The following PSMD2 variants were observed in gnomAD, a reference collection of about 807,000 sequenced individuals.
PSMD2 encodes the protein 26S proteasome non-ATPase regulatory subunit 2.
In PSMD2, 8 loss-of-function variants were observed where a neutral mutation model predicts 101.5. That is an observed-to-expected ratio of 0.08 (90% CI 0.05 to 0.14). PSMD2 has a LOEUF of 0.14. Ranked by LOEUF, PSMD2 falls within the 10% of genes least tolerant of loss-of-function variation. PSMD2 has a pLI of 1.00. For synonymous variants in PSMD2, 418 were observed against 433.8 expected (o/e 0.96, Z 0.45); for missense variants, 784 against 1,147.4 (o/e 0.68, Z 4.58).
intron 9 of PSMD2, 68 bp from the exon 10 acceptor site, chr3:184,303,575 G>A: frequency 6.2e-7 from 1 of 1,609,088 alleles, no homozygotes. Context: ...TCTTTGGAGA[G>A]CTCTTTATAA....
intron 10 of PSMD2, 91 bp downstream of exon 10, chr3:184,303,840 A>G (rs9883929): frequency 5.6e-6 from 9 of 1,601,596 alleles, no homozygotes; most frequent in East Asian, 2.2e-5. Flanking sequence ...AGGTCTGCCC[A>G]GTTTTTAACT....
At chr3:184,307,772 C>T (rs959922040) in intron 18 of PSMD2, 64 bp downstream of exon 18, 49 of 1,603,980 alleles carry the variant, frequency 3.1e-5, no homozygotes, top group Non-Finnish European at 4.2e-5. Flanking sequence ...GAAGGAGGAA[C>T]ATGGAGTGTT....
intron 12 of PSMD2, among the ~76,000 whole-genome samples, 186 bp from the exon 13 acceptor site, chr3:184,305,582 G>A (rs1292697236): frequency 6.6e-6 from 1 of 151,792 alleles, no homozygotes; most frequent in African/African-American, 2.4e-5. Flanking sequence ...ATGTAAAACA[G>A]TTGGCCTAGT....
At chr3:184,303,223 G>A in intron 8 of PSMD2, 97 bp from the exon 9 acceptor site, 1 of 1,522,370 alleles carries the variant, frequency 6.6e-7, no homozygotes, top group Non-Finnish European at 9.0e-7. Context: ...GATACTAAGG[G>A]ACTAGCTCAG....
intron 14 of PSMD2, 37 bp downstream of exon 14, chr3:184,306,192 G>C: frequency 6.2e-7 from 1 of 1,608,186 alleles, no homozygotes; most frequent in Non-Finnish European, 8.5e-7. Flanking sequence ...TGCTTCCCCA[G>C]TGACTCCTCA....
At position 184,299,888 on chromosome 3, in the gene PSMD2, T is replaced by A; in HGVS notation, c.173T>A (p.Met58Lys). The A allele has an allele frequency of 6.2e-7, 1 of 1,613,992 alleles. No homozygotes were observed. The highest frequency in any genetic ancestry group is 8.5e-7 in the Non-Finnish European group (1 of 1,179,830). Residue 58 changes from methionine (M) to lysine (K), a missense_variant, in exon 2 of 21, where the codon ATG becomes AAG. Physicochemically the swap from Met to Lys is moderately conservative, Grantham distance 95 (BLOSUM62 -1). Coordinates refer to ENST00000310118, the MANE Select transcript of PSMD2 (RefSeq NM_002808.5). Reference sequence around the variant, plus strand: ...AAACAGCTTCAAGATGAACTGGAGATGCTCGTGGAACGACTAGGGGTGAGT... The same window carrying A: ...AAACAGCTTCAAGATGAACTGGAGAAGCTCGTGGAACGACTAGGGGTGAGT... Reference protein sequence around the residue: ...EDKQLQDELEMLVERLGEKDT... With the variant: ...EDKQLQDELEKLVERLGEKDT...
chr3:184,299,414 C>T lies in PSMD2; in HGVS notation c.135+13C>T, dbSNP rs1334334915. The T allele has an allele frequency of 1.5e-6, 2 of 1,336,640 alleles. No homozygotes were observed. Among genetic ancestry groups the T allele is most frequent in the Admixed American group, 7.5e-5 (2 of 26,550 alleles). 82.8% of individuals were successfully genotyped at this position (1,336,640 alleles called of 1,614,324 possible). ...AGAACAGGAGCTGGTGAGGCGCGAC[C>T]CCGAGAGTCGGCGAAGGAGGCTGCG... On this transcript the variant is annotated intron_variant, in intron 1 of 20. Coordinates refer to ENST00000310118, the MANE Select transcript of PSMD2 (RefSeq NM_002808.5).
chr3:184,305,479 C>G (rs1721799866), intron 12 of PSMD2, among the ~76,000 whole-genome samples: 1 of 128,764 alleles, frequency 7.8e-6, no homozygotes, highest in African/African-American at 2.7e-5. Flanking sequence ...TAGAGCGAGA[C>G]TCTGTCTCAA....
chr3:184,304,179 A>T lies in PSMD2; in HGVS notation c.1451+105A>T. 1 of 1,553,182 alleles carries T rather than the reference A, an allele frequency of 6.4e-7. No homozygotes were observed. Among genetic ancestry groups the T allele is most frequent in the Non-Finnish European group, 8.9e-7 (1 of 1,125,546 alleles). On this transcript the variant is annotated intron_variant, in intron 11 of 20. Coordinates refer to ENST00000310118, the MANE Select transcript of PSMD2 (RefSeq NM_002808.5). The surrounding 1 kb of genome is among the most constrained non-coding windows in gnomAD (Gnocchi z 4.1). ...ATTGCCAAGGGCTACCACTGTGCCT[A>T]TTGGGTATCTGGCTCTTGGTGAATG...
chr3:184,299,726 C>A, intron 1 of PSMD2, 125 bp from the exon 2 acceptor site: 1 of 795,548 alleles, frequency 1.3e-6, no homozygotes, highest in Non-Finnish European at 2.1e-6. Context: ...CATTCCCACT[C>A]GGTTTCCTTG....
Position 184,303,432 on chromosome 3 carries a change from T to C in PSMD2, c.1182T>C (p.Asp394=), listed in dbSNP as rs1353326285. The C allele has an allele frequency of 6.2e-7, 1 of 1,614,198 alleles. No homozygotes were observed. Among genetic ancestry groups the C allele is most frequent in the South Asian group, 1.1e-5 (1 of 91,078 alleles). ...GCCAAGACAAGCTGCTAACAGATGA[T>C]GGCAACAAATGGCTTTACAAGAACA... is the stretch of plus-strand genomic sequence containing the variant. The part of the protein sequence containing the change: ...AFGQDKLLTD[D]GNKWLYKNKD... Residue 394 remains aspartate (D), a synonymous_variant, in exon 9 of 21, where the codon GAT becomes GAC. Coordinates refer to ENST00000310118, the MANE Select transcript of PSMD2 (RefSeq NM_002808.5).
At position 184,306,818 on chromosome 3, in the gene PSMD2, G is replaced by A. The variant is rs1721847887; in HGVS notation, c.2018G>A (p.Arg673Gln). The A allele has an allele frequency of 1.9e-6, 3 of 1,613,902 alleles. No homozygotes were observed. Among genetic ancestry groups the A allele is most frequent in the Non-Finnish European group, 2.5e-6 (3 of 1,179,934 alleles). Residue 673 changes from arginine (R) to glutamine (Q), a missense_variant, in exon 16 of 21, where the codon CGA (arginine) becomes CAA (glutamine). Transcript: ENST00000310118. ...GEEIGAEMAL[R>Q]TFGHLLRYGE... ...GAGATTGGTGCAGAGATGGCATTAC[G>A]AACCTTTGGCCACTTGGTGAGTATA...
At position 184,304,390 on chromosome 3, in the gene PSMD2, A is replaced by C. The variant is rs1355182332; in HGVS notation, c.1538A>C (p.Glu513Ala). Residue 513 changes from glutamate to alanine, a missense_variant and splice_region_variant, in exon 12 of 21, where the codon GAG (glutamate) becomes GCG (alanine). Glu to Ala is a moderately radical substitution (Grantham distance 107). This residue lies in a region of PSMD2 where 282 missense variants were observed against 437.6 expected (regional missense o/e 0.64). Coordinates refer to ENST00000310118, the MANE Select transcript of PSMD2 (RefSeq NM_002808.5). This position sits in a 1 kb window ranked among gnomAD's most constrained non-coding sequence, Gnocchi z 4.1. ...PVMGDSKSSM[E>A]VAGVTALACG... ...ATGGGAGATTCAAAGTCCAGCATGG[A>C]GGTGAGTAGAGGCTATTGAGCATTT... The C allele has an allele frequency of 2.5e-6, 4 of 1,613,266 alleles. No homozygotes were observed. The highest frequency in any genetic ancestry group is 1.3e-5 in the African/African-American group (1 of 74,892).
intron 12 of PSMD2, among the ~76,000 whole-genome samples, chr3:184,305,257 G>A (rs891389847): frequency 5.3e-5 from 8 of 152,296 alleles, no homozygotes; most frequent in African/African-American, 1.2e-4. Context: ...TTGGGAGGCC[G>A]AGGTGGGTGG....
At position 184,304,022 on chromosome 3, in the gene PSMD2, T is replaced by G; in HGVS notation, c.1399T>G (p.Ser467Ala). 6.2e-7 allele frequency: 1 copy of G among 1,614,220 alleles called. No homozygotes were observed. Among genetic ancestry groups the G allele is most frequent in the Non-Finnish European group, 8.5e-7 (1 of 1,180,024 alleles). ...NECDPALALLSDYVLHNSNTM... is the reference protein window; with the variant it reads ...NECDPALALLADYVLHNSNTM... ...GTGTGACCCTGCTCTGGCACTGCTC[T>G]CAGACTATGTTCTCCACAACAGCAA... The change falls in exon 11 of 21, where the codon TCA becomes GCA. Residue 467 changes from serine to alanine, a missense_variant. Around this residue, in one of 6 missense-constraint regions of PSMD2, gnomAD observed 282 missense variants for 437.6 expected, o/e 0.64. Transcript: ENST00000310118. This position sits in a 1 kb window ranked among gnomAD's most constrained non-coding sequence, Gnocchi z 4.1.
chr3:184,299,475 C>T, intron 1 of PSMD2, 74 bp downstream of exon 1: 1 of 1,308,180 alleles, frequency 7.6e-7, no homozygotes, highest in East Asian at 3.1e-5. Context: ...GCCTCAGGCC[C>T]GACACCCAAC....
chr3:184,302,931 C>G, intron 7 of PSMD2, 71 bp from the exon 8 acceptor site: 1 of 1,609,914 alleles, frequency 6.2e-7, no homozygotes, highest in Non-Finnish European at 8.5e-7. Context: ...AATTGCCATT[C>G]AGTGGGATAG....
rs1329952661 is a variant in PSMD2, at chr3:184,301,695, TG to T, written c.479+38del. 5.0e-6 allele frequency: 8 copies of T among 1,612,970 alleles called. 1 individual carries two copies. The South Asian group carries it at 8.8e-5, about 18-fold the overall frequency. Reference sequence around the variant, plus strand: ...CTTCTTGGGAATCCGAAGGGGGCTCTGAGGCTCTGAGATAATTCAGAATTTT... The same window carrying T: ...CTTCTTGGGAATCCGAAGGGGGCTCTAGGCTCTGAGATAATTCAGAATTTT... On this transcript the variant is annotated intron_variant, in intron 4 of 20. Coordinates refer to ENST00000310118, the MANE Select transcript of PSMD2 (RefSeq NM_002808.5).
chr3:184,308,551 C>G lies in PSMD2; in HGVS notation c.2528C>G (p.Ser843Cys). 2 of 1,613,868 alleles carry G rather than the reference C, an allele frequency of 1.2e-6. No homozygotes were observed. Among genetic ancestry groups the G allele is most frequent in the Non-Finnish European group, 1.7e-6 (2 of 1,179,908 alleles). Residue 843 changes from serine to cysteine, a missense_variant, in exon 20 of 21, where the codon TCT (serine) becomes TGT (cysteine). By Grantham distance (112) the Ser-to-Cys change is moderately radical (BLOSUM62 -1). Coordinates refer to ENST00000310118, the MANE Select transcript of PSMD2 (RefSeq NM_002808.5). The surrounding 1 kb of genome is among the most constrained non-coding windows in gnomAD (Gnocchi z 6.0). ...GAGGAGCTGCGGCCATTGCCAGTGTCTGTCCGTGTGGGCCAGGTGAGAGGC... is the reference window on the plus strand; with the variant it reads ...GAGGAGCTGCGGCCATTGCCAGTGTGTGTCCGTGTGGGCCAGGTGAGAGGC... ...FDEELRPLPV[S>C]VRVGQAVDVV...
Sources: gnomAD v4.1 joint callset for allele counts (sites outside exome capture counted in the v4.1 genomes callset) on GRCh38, gnomAD v4.1.1 for gene constraint, gnomAD v4.1.1 regional missense constraint, Gnocchi (gnomAD v3.1) non-coding constraint, MANE v1.5 for transcripts, NCBI Gene and HGNC (gene_info 2026-07-23, HGNC 2026-07-21) for gene names.